SLC26A4: variants seen among roughly 807,000 people sequenced by gnomAD.
SLC26A4 encodes solute carrier family 26 member 4.
Under a neutral mutation model 90.4 loss-of-function variants are expected in SLC26A4, and 93 were observed. The ratio of observed to expected loss-of-function variants is 1.03; its 90% CI spans 0.87 to 1.22. The LOEUF (loss-of-function observed/expected upper bound fraction) is 1.22, where lower values mean the gene tolerates loss of function less well. SLC26A4 is among the 50% of genes most tolerant of loss of function. The probability of loss-of-function intolerance (pLI) is 0.00; values close to 1 mark genes in which losing one functional copy is unlikely to be tolerated. For missense variants in SLC26A4, 1,127 were observed against 946.2 expected, an observed-to-expected ratio of 1.19 and a Z score of -2.51; for synonymous variants, 393 against 354.6, an observed-to-expected ratio of 1.11 and a Z score of -1.22.
chr7:107,663,431 G>C lies in SLC26A4; in HGVS notation c.300G>C (p.Leu100=), dbSNP rs1292182660. The C allele has an allele frequency of 1.2e-6, 2 of 1,613,904 alleles. No homozygotes were observed. The highest frequency in any genetic ancestry group is 3.3e-5 in the Admixed American group (2 of 59,994). The change falls in exon 3 of 21, where the codon CTG becomes CTC. Residue 100 remains leucine, a synonymous_variant. Coordinates refer to ENST00000644269, the MANE Select transcript of SLC26A4 (RefSeq NM_000441.2). ...SGVSTGLVAT[L]QGMAYALLAA... is the part of the protein sequence containing the mutation. ...TTAGTACTGGGCTAGTGGCCACGCT[G>C]CAAGGTAAGATGTTGGCAGATTGAG...
rs769548190 is a variant in SLC26A4 at position 107,701,848 on chromosome 7, G to A, written c.1825G>A (p.Val609Ile). 1 of 1,609,486 alleles carries A rather than the reference G, an allele frequency of 6.2e-7. No individual in the cohort carries two copies. The highest frequency in any genetic ancestry group is 8.5e-7 in the Non-Finnish European group (1 of 1,175,826). ...ATKNGIISDA[V>I]STNNAFEPDE... ...TTAGAATGGCATCATAAGTGATGCT[G>A]TTTCAACAAATAATGCTTTTGAGCC... Residue 609 changes from valine to isoleucine, a missense_variant, in exon 17 of 21, where the codon GTT (valine) becomes ATT (isoleucine). Coordinates refer to ENST00000644269, the MANE Select transcript of SLC26A4 (RefSeq NM_000441.2).
rs779996743 is a variant in SLC26A4 at position 107,674,263 on chromosome 7, A to G, written c.515A>G (p.Asn172Ser). 6.2e-7 allele frequency: 1 copy of G among 1,614,042 alleles called. No homozygotes were observed. Among genetic ancestry groups the G allele is most frequent in the Non-Finnish European group, 8.5e-7 (1 of 1,179,916 alleles). Residue 172 changes from asparagine (N) to serine (S), a missense_variant, in exon 5 of 21, where the codon AAT becomes AGT. Asn to Ser is a conservative substitution (Grantham distance 46). Transcript: ENST00000644269. ...LVSSSNGTVL[N>S]TTMIDTAARD... ...TCCAGCAGCAATGGAACTGTATTAA[A>G]TACTACTATGATAGACACTGCAGCT...
chr7:107,698,619 C>T (rs1791807829), intron 14 of SLC26A4, among the ~76,000 whole-genome samples: 1 of 151,860 alleles, frequency 6.6e-6, no homozygotes, highest in Non-Finnish European at 1.5e-5. Flanking sequence ...ACCTGGCTAG[C>T]TGAATGTCAT....
chr7:107,694,575 A>C, intron 11 of SLC26A4, 46 bp from the exon 12 acceptor site: 4 of 1,561,564 alleles, frequency 2.6e-6, no homozygotes, highest in Non-Finnish European at 3.5e-6. Context: ...CATCACATGG[A>C]AAACCATTCC....
At chr7:107,673,334 A>G (rs142058104) in intron 4 of SLC26A4, among the ~76,000 whole-genome samples, 232 of 152,338 alleles carry the variant, frequency 1.5e-3, no homozygotes, top group African/African-American at 5.2e-3. Flanking sequence ...ATTTGATATG[A>G]AAAAATGTTT....
At chr7:107,672,278 T>C (rs1790892089) in intron 4 of SLC26A4, 30 bp downstream of exon 4, 1 of 1,407,728 alleles carries the variant, frequency 7.1e-7, no homozygotes, top group Non-Finnish European at 1.0e-6. Flanking sequence ...ACAATTATAT[T>C]TGCTCATGTT....
chr7:107,676,930 T>A (rs1021033643), intron 6 of SLC26A4, among the ~76,000 whole-genome samples: 1 of 152,110 alleles, frequency 6.6e-6, no homozygotes, highest in Admixed American at 6.6e-5. Flanking sequence ...TCCCAGCAGT[T>A]TGGGAGACTG....
intron 9 of SLC26A4, 36 bp downstream of exon 9, chr7:107,689,236 G>T: frequency 6.2e-7 from 1 of 1,608,706 alleles, no homozygotes; most frequent in Non-Finnish European, 8.5e-7. Flanking sequence ...GTTTTATAGG[G>T]CTGGAAACAG....
chr7:107,686,250 CTCTT>C, intron 8 of SLC26A4, among the ~76,000 whole-genome samples: 1 of 151,482 alleles, frequency 6.6e-6, no homozygotes. Flanking sequence ...TTCTTTCATT[CTCTT>C]TCTTTCTTCC....
At chr7:107,680,099 TTATCTTATTATATAATATAATC>T in intron 6 of SLC26A4, among the ~76,000 whole-genome samples, 1 of 93,496 alleles carries the variant, frequency 1.1e-5, no homozygotes, top group Non-Finnish European at 2.0e-5. Context: ...TTATATAATC[TTATCTTATTATATAATATAATC>T]TTATCTTATT....
intron 6 of SLC26A4, among the ~76,000 whole-genome samples, chr7:107,677,984 G>A (rs902793386): frequency 2.0e-5 from 3 of 151,704 alleles, no homozygotes; most frequent in South Asian, 2.1e-4. Context: ...TTGCAATGTC[G>A]CCCAGGCTGG....
At chr7:107,691,510 T>TACACACAC (rs780039045) in intron 10 of SLC26A4, among the ~76,000 whole-genome samples, 884 of 51,152 alleles carry the variant, frequency 0.017, 7 homozygotes, top group East Asian at 0.054. Flanking sequence ...GTCAAATATA[T>TACACACAC]ATATACACAC....
At chr7:107,662,034 C>T in intron 2 of SLC26A4, 1 of 587,372 alleles carries the variant, frequency 1.7e-6, no homozygotes, top group Non-Finnish European at 3.0e-6. Flanking sequence ...CTGGGAAACT[C>T]GCCTTTGGGG....
At position 107,661,712 on chromosome 7, in the gene SLC26A4, G is replaced by T. The variant is rs1349370504; in HGVS notation, c.71G>T (p.Arg24Leu). 3 of 1,567,400 alleles carry T rather than the reference G, an allele frequency of 1.9e-6. No homozygotes were observed. Among genetic ancestry groups the T allele is most frequent in the South Asian group, 1.2e-5 (1 of 85,776 alleles). Residue 24 changes from arginine (R) to leucine (L), a missense_variant, in exon 2 of 21, where the codon CGG becomes CTG. Arg to Leu is a moderately radical substitution (Grantham distance 102). Transcript: ENST00000644269. The surrounding 1 kb of genome is among the most constrained non-coding windows in gnomAD (Gnocchi z 5.1). ...TACAGCTGCAGCTACATGGTGTCGCGGCCGGTCTACAGCGAGCTCGCTTTC... is the reference window on the plus strand; with the variant it reads ...TACAGCTGCAGCTACATGGTGTCGCTGCCGGTCTACAGCGAGCTCGCTTTC... ...PEYSCSYMVS[R>L]PVYSELAFQQ...
chr7:107,689,552 T>A (rs1371680304), intron 9 of SLC26A4, among the ~76,000 whole-genome samples: 1 of 152,168 alleles, frequency 6.6e-6, no homozygotes, highest in Non-Finnish European at 1.5e-5. Context: ...GACAAAACAG[T>A]GCAACAAACA....
chr7:107,680,338 T>G (rs1408554088), intron 6 of SLC26A4, among the ~76,000 whole-genome samples: 4 of 138,756 alleles, frequency 2.9e-5, no homozygotes, highest in African/African-American at 1.1e-4. Context: ...TATCTTATTA[T>G]ATAATGTTAT....
intron 9 of SLC26A4, among the ~76,000 whole-genome samples, chr7:107,689,597 GT>G: frequency 6.6e-6 from 1 of 152,186 alleles, no homozygotes; most frequent in Non-Finnish European, 1.5e-5. Context: ...AATTGAGGTG[GT>G]TCACTGTGCA....
rs1790546263 is a variant in SLC26A4, at chr7:107,661,443, C to T, written c.-3-196C>T. 1.6e-6 allele frequency: 1 copy of T among 643,278 alleles called. No homozygotes were observed. The highest frequency in any genetic ancestry group is 2.7e-5 in the East Asian group (1 of 36,442). The allele number at this position is 643,278 out of a possible 1,614,324, so 39.8% of individuals were successfully genotyped here. ...GAGACCCGAAGGTTCTCAGGTGCCC[C>T]CCTGCAGGCTGGCCGTGCGCGCCGT... On this transcript the variant is annotated intron_variant, in intron 1 of 20. Transcript: ENST00000644269. This position sits in a 1 kb window ranked among gnomAD's most constrained non-coding sequence, Gnocchi z 5.1.
chr7:107,667,988 T>C (rs1240077907), intron 3 of SLC26A4, among the ~76,000 whole-genome samples: 1 of 151,866 alleles, frequency 6.6e-6, no homozygotes, highest in African/African-American at 2.4e-5. Context: ...TAGGGGAGGT[T>C]TGAATAGTTG....
Sources: gnomAD v4.1 joint callset for allele counts (sites outside exome capture counted in the v4.1 genomes callset) on GRCh38, gnomAD v4.1.1 for gene constraint, Gnocchi (gnomAD v3.1) non-coding constraint, MANE v1.5 for transcripts, NCBI Gene and HGNC (gene_info 2026-07-23, HGNC 2026-07-21) for gene names.